TECPR1: variants seen among roughly 807,000 people sequenced by gnomAD.
TECPR1 encodes tectonin beta-propeller repeat containing 1, also known as tectonin beta-propeller repeat-containing protein 1.
TECPR1 carries 122 observed loss-of-function variants against 162.4 expected under a neutral mutation model. The ratio of observed to expected loss-of-function variants is 0.75; its 90% CI spans 0.65 to 0.87. TECPR1 has a LOEUF of 0.87. TECPR1 is among the 40% of genes least tolerant of loss of function. The pLI, the probability that TECPR1 is intolerant of heterozygous loss-of-function variation, is 0.00. For missense variants in TECPR1, 1,432 were observed against 1,618.2 expected, an observed-to-expected ratio of 0.88 and a Z score of 1.97; for synonymous variants, 642 against 670.6, an observed-to-expected ratio of 0.96 and a Z score of 0.66.
Position 98,243,571 on chromosome 7 carries a change from T to G in TECPR1, c.553A>C (p.Lys185Gln). 2 of 1,612,424 alleles carry G rather than the reference T, an allele frequency of 1.2e-6. No homozygotes were observed. Among genetic ancestry groups the G allele is most frequent in the Non-Finnish European group, 8.5e-7 (1 of 1,179,682 alleles). The change falls in exon 6 of 26, where the codon AAG (lysine) becomes CAG (glutamine). Residue 185 changes from lysine to glutamine, a missense_variant. Lys to Gln is a moderately conservative substitution (Grantham distance 53, BLOSUM62 1). Transcript: ENST00000447648. ...WAKIPSKDDP[K>Q]ELPDPFNDLS... ...TCGTTGAAGGGGTCGGGCAGCTCCT[T>G]GGGGTCATCCTTCGAGGGGATCTGA...
rs764365636 is a variant in TECPR1, at chr7:98,230,978, G to T, written c.2265C>A (p.Pro755=). ...TCACTCACATCTGGTCGCAGGGCAG[G>T]GGGTGCTCGTGGGCCTCCAGGTCTG... ...PSPDLEAHEH[P]LPCDQMFWRQ... Residue 755 remains proline, a synonymous_variant, in exon 15 of 26, where the codon CCC becomes CCA. Coordinates refer to ENST00000447648, the MANE Select transcript of TECPR1 (RefSeq NM_015395.3). The T allele has an allele frequency of 9.3e-6, 15 of 1,612,082 alleles. No homozygotes were observed. In the Middle Eastern group the frequency reaches 8.6e-4, roughly 93 times the overall value.
At chr7:98,230,926 G>A in intron 15 of TECPR1, 35 bp downstream of exon 15, 1 of 1,591,128 alleles carries the variant, frequency 6.3e-7, no homozygotes, top group Non-Finnish European at 8.6e-7. Context: ...GGTGAGGCCA[G>A]GCCCCAGACC....
rs1397456066 is a variant in TECPR1, at chr7:98,233,531, C to T, written c.1562G>A (p.Gly521Asp). Residue 521 changes from glycine (G) to aspartate (D), a missense_variant, in exon 11 of 26, where the codon GGC (glycine) becomes GAC (aspartate). Transcript: ENST00000447648. ...ATCCACCCCATACGGCTCCTCCAAG[C>T]CCAGTGGGAGGAGCCCCAGAGAGGA... ...SLSSLGLLPLGLEEPYGVDDH... is the reference protein window; with the variant it reads ...SLSSLGLLPLDLEEPYGVDDH... 6.3e-7 allele frequency: 1 copy of T among 1,584,214 alleles called. No homozygotes were observed. Among genetic ancestry groups the T allele is most frequent in the Non-Finnish European group, 8.6e-7 (1 of 1,168,134 alleles).
intron 5 of TECPR1, among the ~76,000 whole-genome samples, chr7:98,244,209 C>T (rs1329467456): frequency 2.0e-5 from 3 of 152,232 alleles, no homozygotes. Flanking sequence ...GCTGTGCTCC[C>T]TAAGCTGGGA....
At chr7:98,238,327 G>C (rs573985652) in intron 9 of TECPR1, among the ~76,000 whole-genome samples, 182 bp downstream of exon 9, 1 of 152,188 alleles carries the variant, frequency 6.6e-6, no homozygotes, top group Non-Finnish European at 1.5e-5. Flanking sequence ...GTGCCACCGG[G>C]GGGGTGGGAG....
rs1201087909 is a variant in TECPR1 at position 98,229,059 on chromosome 7, T to C, written c.2390A>G (p.Tyr797Cys). ...DHTAWVYTGG[Y>C]GGGCFQGLAS... Reference sequence around the variant, plus strand: ...CTCACCTTGGAAGCAGCCGCCTCCATAGCCGCCTGTGTATACCCAGGCCGT... The same window carrying C: ...CTCACCTTGGAAGCAGCCGCCTCCACAGCCGCCTGTGTATACCCAGGCCGT... The change falls in exon 16 of 26, where the codon TAT becomes TGT. Residue 797 changes from tyrosine to cysteine, a missense_variant. Tyr to Cys is a radical substitution (Grantham distance 194). Transcript: ENST00000447648. 3 of 1,595,690 alleles carry C rather than the reference T, an allele frequency of 1.9e-6. No homozygotes were observed. The highest frequency in any genetic ancestry group is 2.6e-6 in the Non-Finnish European group (3 of 1,171,452).
At chr7:98,223,983 T>G in intron 19 of TECPR1, among the ~76,000 whole-genome samples, 1 of 151,920 alleles carries the variant, frequency 6.6e-6, no homozygotes, top group Admixed American at 6.6e-5. Flanking sequence ...GGCAGGGGTC[T>G]CCCTGGGGAA....
intron 10 of TECPR1, among the ~76,000 whole-genome samples, chr7:98,235,420 G>A (rs1199120382): frequency 6.6e-6 from 1 of 151,818 alleles, no homozygotes; most frequent in Non-Finnish European, 1.5e-5. Flanking sequence ...AGCTACTCGG[G>A]AGGCTGAGGT....
chr7:98,229,219 C>T, intron 15 of TECPR1, 53 bp from the exon 16 acceptor site: 3 of 1,528,538 alleles, frequency 2.0e-6, no homozygotes, highest in Non-Finnish European at 2.7e-6. Flanking sequence ...ACCTTCCAAC[C>T]CTGCCTGGCT....
chr7:98,222,471 G>T lies in TECPR1; in HGVS notation c.2979C>A (p.Ser993=). 6.3e-7 allele frequency: 1 copy of T among 1,595,290 alleles called. No homozygotes were observed. Among genetic ancestry groups the T allele is most frequent in the Non-Finnish European group, 8.5e-7 (1 of 1,171,988 alleles). ...VGTDQPFASI[S]IGACYQVWAV... is the part of the protein sequence containing the mutation. Reference sequence around the variant, plus strand: ...CCCACACCTGGTAGCAGGCCCCGATGGAGATGGAGGCGAAGGGCTGGTCGG... The same window carrying T: ...CCCACACCTGGTAGCAGGCCCCGATTGAGATGGAGGCGAAGGGCTGGTCGG... Residue 993 remains serine, a synonymous_variant, in exon 22 of 26, where the codon TCC becomes TCA. Coordinates refer to ENST00000447648, the MANE Select transcript of TECPR1 (RefSeq NM_015395.3).
intron 15 of TECPR1, among the ~76,000 whole-genome samples, chr7:98,230,506 C>T (rs940669021): frequency 8.5e-5 from 13 of 152,292 alleles, no homozygotes; most frequent in East Asian, 1.9e-4. Context: ...GCCTTGACCA[C>T]GCCCCCAAAC....
Position 98,217,414 on chromosome 7 carries a change from C to G in TECPR1, c.3474G>C (p.Glu1158Asp). 5 of 1,602,916 alleles carry G rather than the reference C, an allele frequency of 3.1e-6. No individual in the cohort carries two copies. The highest frequency in any genetic ancestry group is 4.3e-6 in the Non-Finnish European group (5 of 1,174,972). The change falls in exon 26 of 26, where the codon GAG becomes GAC. Residue 1158 changes from glutamate (E) to aspartate (D), a missense_variant. Physicochemically the swap from Glu to Asp is conservative, Grantham distance 45. Coordinates refer to ENST00000447648, the MANE Select transcript of TECPR1 (RefSeq NM_015395.3). ...CTCAGCAGCAGACGGGGCCATGGGC[C>G]TCTGGTGGGGCACTCGGCTCCTGCT... ...SQEQEPSAPP[E>D]AHGPVCC
rs1584331081 is a variant in TECPR1, at chr7:98,228,109, G to A, written c.2418C>T (p.Ala806=). The change falls in exon 17 of 26, where the codon GCC becomes GCT. Residue 806 remains alanine (A), a synonymous_variant. Transcript: ENST00000447648. ...GYGGGCFQGL[A]SSTSNIYTQS... is the part of the protein sequence containing the mutation. ...GCGTGTAGATGTTACTGGTGCTGCT[G>A]GCCAGGCCTGTGGGGAGAGGTGGCT... The A allele has an allele frequency of 6.2e-7, 1 of 1,609,878 alleles. No homozygotes were observed. Among genetic ancestry groups the A allele is most frequent in the African/African-American group, 1.3e-5 (1 of 74,720 alleles).
At chr7:98,242,050 G>A (rs1798764069) in intron 6 of TECPR1, among the ~76,000 whole-genome samples, 1 of 152,334 alleles carries the variant, frequency 6.6e-6, no homozygotes, top group Middle Eastern at 3.4e-3. Context: ...CCCGATGGGG[G>A]CTCAGTCCTG....
chr7:98,234,186 A>T lies in TECPR1; in HGVS notation c.1182-275T>A, dbSNP rs1169790226. On this transcript the variant is annotated intron_variant, in intron 10 of 25. Transcript: ENST00000447648. Reference sequence around the variant, plus strand: ...TCTTCTTTTTTTGAGACGGAGTCTCACTGTCATCCAGGCTGGGGTGCAGGG... The same window carrying T: ...TCTTCTTTTTTTGAGACGGAGTCTCTCTGTCATCCAGGCTGGGGTGCAGGG... 2.0e-5 allele frequency among the ~76,000 whole-genome samples: 3 copies of T among 152,198 alleles called. No individual in the cohort carries two copies. The East Asian group carries it at 5.8e-4, about 29-fold the overall frequency.
chr7:98,250,223 C>T (rs1408908498), intron 2 of TECPR1, among the ~76,000 whole-genome samples: 1 of 151,790 alleles, frequency 6.6e-6, no homozygotes, highest in African/African-American at 2.4e-5. Context: ...CTGTATAATT[C>T]TTTCAACTTG....
intron 10 of TECPR1, among the ~76,000 whole-genome samples, chr7:98,234,875 T>C (rs1584343135): frequency 6.6e-6 from 1 of 152,028 alleles, no homozygotes; most frequent in East Asian, 1.9e-4. Flanking sequence ...AGCACCCAGA[T>C]AATTTTTTAA....
rs1228451197 is a variant in TECPR1, at chr7:98,216,064, T to G, written c.*1326A>C. On this transcript the variant is annotated 3_prime_UTR_variant, in exon 26 of 26. Coordinates refer to ENST00000447648, the MANE Select transcript of TECPR1 (RefSeq NM_015395.3). The stretch of plus-strand genomic sequence containing the variant: ...AGCAGAGCCTGGGGTTGGGCTCTGA[T>G]GACCTCCCGGGCAAAGTGTCCAGGT... 3 of 152,292 alleles carry G rather than the reference T, an allele frequency of 2.0e-5. No individual in the cohort carries two copies. Among genetic ancestry groups the G allele is most frequent in the East Asian group, 3.9e-4 (2 of 5,188 alleles). The allele number at this position is 152,292 out of a possible 1,614,324, so 9.4% of individuals were successfully genotyped here. A position where few individuals can be genotyped will look rare whatever the true frequency, so the allele number is the denominator to read the frequency against.
At chr7:98,250,198 G>A (rs1401528068) in intron 2 of TECPR1, among the ~76,000 whole-genome samples, 1 of 152,132 alleles carries the variant, frequency 6.6e-6, no homozygotes, top group East Asian at 1.9e-4. Flanking sequence ...TAGTTGGTGG[G>A]GATGGGGATG....
Sources: allele counts gnomAD v4.1 joint callset (sites outside exome capture counted in the v4.1 genomes callset), GRCh38; gene constraint gnomAD v4.1.1; transcripts MANE v1.5; gene names NCBI Gene and HGNC (gene_info 2026-07-23, HGNC 2026-07-21).